The following SULF2 variants were observed in gnomAD, a reference collection of about 807,000 sequenced individuals.
SULF2 encodes extracellular sulfatase Sulf-2.
Under a neutral mutation model 107.7 loss-of-function variants are expected in SULF2, and 52 were observed. The observed-to-expected ratio is 0.48, with a 90% CI of 0.39 to 0.61. SULF2 has a LOEUF of 0.61. Ranked by LOEUF, SULF2 falls within the 20% of genes least tolerant of loss-of-function variation. SULF2 has a pLI of 0.00. For missense variants in SULF2, 993 were observed against 1,177.3 expected, an observed-to-expected ratio of 0.84 and a Z score of 2.29; for synonymous variants, 460 against 464.3, an observed-to-expected ratio of 0.99 and a Z score of 0.12.
At chr20:47,672,779 T>C (rs2087520875) in intron 10 of SULF2, among the ~76,000 whole-genome samples, 1 of 152,188 alleles carries the variant, frequency 6.6e-6, no homozygotes, top group Admixed American at 6.5e-5. Context: ...GATACTAGTC[T>C]TTGAACATCC....
chr20:47,737,661 C>G (rs537394421), intron 2 of SULF2, among the ~76,000 whole-genome samples: 3 of 152,084 alleles, frequency 2.0e-5, no homozygotes, highest in African/African-American at 7.2e-5. Context: ...GGCTTGAGAG[C>G]TCTGAGCAGT....
intron 10 of SULF2, among the ~76,000 whole-genome samples, chr20:47,673,462 A>T (rs574514993): frequency 6.6e-6 from 1 of 152,186 alleles, no homozygotes; most frequent in African/African-American, 2.4e-5. Flanking sequence ...AAGAGCTGTA[A>T]GGAAAAGTGT....
intron 9 of SULF2, chr20:47,676,829 T>C (rs1024837520): frequency 4.0e-5 from 27 of 674,024 alleles, no homozygotes; most frequent in Non-Finnish European, 6.2e-5. Flanking sequence ...TTGCATGAGT[T>C]GGCAATAAAT....
In SULF2 at chr20:47,683,182, C is replaced by T. The variant is rs765454918; in HGVS notation, c.889-13G>A. The T allele has an allele frequency of 8.9e-6, 14 of 1,581,816 alleles. No homozygotes were observed. The highest frequency in any genetic ancestry group is 5.7e-5 in the South Asian group (5 of 88,106). Reference sequence around the variant, plus strand: ...GCATGTTGTAAATCTGCAACACGGGCGAGGAGGCAAGGGACAGTGGGGACT... The same window carrying T: ...GCATGTTGTAAATCTGCAACACGGGTGAGGAGGCAAGGGACAGTGGGGACT... On this transcript the variant is annotated splice_polypyrimidine_tract_variant and intron_variant, in intron 6 of 20. Transcript: ENST00000688720.
chr20:47,785,435 GCGCCGCCGCTGCCGCTGC>G lies in SULF2; in HGVS notation c.-211_-194del, dbSNP rs1425316726. ...CGGGCCGCTGGGCGCAGGGGACTCC[GCGCCGCCGCTGCCGCTGC>G]CGCCGCCGCCGCCGCCGCTGCCGCT... On this transcript the variant is annotated 5_prime_UTR_variant, in exon 1 of 21. Coordinates refer to ENST00000688720, the MANE Select transcript of SULF2 (RefSeq NM_001387048.1). 49 of 151,632 alleles carry G rather than the reference GCGCCGCCGCTGCCGCTGC, an allele frequency of 3.2e-4. No individual in the cohort carries two copies. In the South Asian group the frequency reaches 6.1e-3, roughly 19 times the overall value. 9.4% of individuals were successfully genotyped at this position (151,632 alleles called of 1,614,324 possible).
chr20:47,701,588 A>G (rs2088571023), intron 4 of SULF2, among the ~76,000 whole-genome samples: 1 of 152,230 alleles, frequency 6.6e-6, no homozygotes, highest in Non-Finnish European at 1.5e-5. Flanking sequence ...GGTATAACAG[A>G]AATGAGCCTC....
Position 47,702,689 on chromosome 20 carries a change from C to A in SULF2, c.416-19G>T, listed in dbSNP as rs377337561. 3.1e-6 allele frequency: 5 copies of A among 1,612,238 alleles called. No individual in the cohort carries two copies. The African/African-American group carries it at 6.7e-5, about 22-fold the overall frequency. ...AAGAAAGCTGCGGAGGGAGATGGATCAGGAGGCCACGTGAGAAAGTGCCTG... is the reference window on the plus strand; with the variant it reads ...AAGAAAGCTGCGGAGGGAGATGGATAAGGAGGCCACGTGAGAAAGTGCCTG... On this transcript the variant is annotated intron_variant, in intron 3 of 20. Coordinates refer to ENST00000688720, the MANE Select transcript of SULF2 (RefSeq NM_001387048.1).
At chr20:47,785,227 C>T (rs1225022668) in intron 1 of SULF2, 116 bp downstream of exon 1, 1 of 149,176 alleles carries the variant, frequency 6.7e-6, no homozygotes, top group Non-Finnish European at 1.5e-5. Flanking sequence ...CCAGCCCCGG[C>T]TCACCTGGGC....
At chr20:47,735,766 C>G (rs2089713577) in intron 3 of SULF2, among the ~76,000 whole-genome samples, 2 of 152,186 alleles carry the variant, frequency 1.3e-5, no homozygotes, top group Admixed American at 1.3e-4. Flanking sequence ...GCTCCCCACA[C>G]CAAAGCATCC....
At chr20:47,754,331 G>T (rs1339191717) in intron 2 of SULF2, among the ~76,000 whole-genome samples, 1 of 152,236 alleles carries the variant, frequency 6.6e-6, no homozygotes, top group East Asian at 1.9e-4. Context: ...AATAGCAAAT[G>T]ATAAATTTTT....
At chr20:47,773,488 C>T (rs987488084) in intron 1 of SULF2, among the ~76,000 whole-genome samples, 3 of 152,236 alleles carry the variant, frequency 2.0e-5, no homozygotes, top group Non-Finnish European at 2.9e-5. Context: ...ATGGTGCAGC[C>T]GAGCACGGCA....
At chr20:47,697,669 G>A (rs2088428302) in intron 4 of SULF2, among the ~76,000 whole-genome samples, 1 of 152,168 alleles carries the variant, frequency 6.6e-6, no homozygotes, top group Non-Finnish European at 1.5e-5. Flanking sequence ...CCTGGTAACT[G>A]GGGGGCCAGG....
chr20:47,689,810 T>C (rs915422403), intron 5 of SULF2: 18 of 224,818 alleles, frequency 8.0e-5, no homozygotes, highest in African/African-American at 3.6e-4. Context: ...CTCAAAAGAA[T>C]GTTTTTAGAT....
intron 18 of SULF2, among the ~76,000 whole-genome samples, chr20:47,660,534 G>GT (rs1304994967): frequency 1.1e-4 from 16 of 151,710 alleles, no homozygotes. Context: ...AATACCAAAG[G>GT]TTTTTTTTAG....
At chr20:47,750,386 C>T (rs1426334953) in intron 2 of SULF2, among the ~76,000 whole-genome samples, 1 of 152,204 alleles carries the variant, frequency 6.6e-6, no homozygotes, top group Admixed American at 6.5e-5. Context: ...TTTACCATCC[C>T]TCATCAGTTC....
chr20:47,786,193 TAATA>T (rs1020457141), upstream of SULF2: 3 of 152,232 alleles, frequency 2.0e-5, no homozygotes, highest in Admixed American at 6.5e-5. Flanking sequence ...GGGGCATCGC[TAATA>T]AATCAAATAT....
intron 4 of SULF2, among the ~76,000 whole-genome samples, chr20:47,700,614 T>C (rs2088531840): frequency 6.7e-6 from 1 of 149,158 alleles, no homozygotes; most frequent in Non-Finnish European, 1.5e-5. Flanking sequence ...CATTTCCGGC[T>C]GGAGTGTAAA....
chr20:47,765,419 G>C (rs1033610604), intron 1 of SULF2, among the ~76,000 whole-genome samples: 2 of 150,702 alleles, frequency 1.3e-5, no homozygotes, highest in Non-Finnish European at 2.9e-5. Flanking sequence ...TTAGGCAGTT[G>C]AGGTGGTGGG....
chr20:47,769,247 A>G (rs1406670294), intron 1 of SULF2, among the ~76,000 whole-genome samples: 1 of 152,066 alleles, frequency 6.6e-6, no homozygotes, highest in Non-Finnish European at 1.5e-5. Flanking sequence ...TCACTGTGTT[A>G]GCCAGAATGG....
Sources: gnomAD v4.1 joint callset for allele counts (sites outside exome capture counted in the v4.1 genomes callset) on GRCh38, gnomAD v4.1.1 for gene constraint, MANE v1.5 for transcripts, NCBI Gene and HGNC (gene_info 2026-07-23, HGNC 2026-07-21) for gene names.